ARL15: variants seen among roughly 807,000 people sequenced by gnomAD.
The protein encoded by ARL15 is ARF like GTPase 15.
In ARL15, 19 loss-of-function variants were observed where a neutral mutation model predicts 25.2. The ratio of observed to expected loss-of-function variants is 0.75; its 90% confidence interval spans 0.53 to 1.10. The LOEUF (loss-of-function observed/expected upper bound fraction) is 1.10. ARL15 is among the 50% of genes least tolerant of loss of function. The probability of loss-of-function intolerance (pLI) is 0.00; values close to 1 mark genes in which losing one functional copy is unlikely to be tolerated. For synonymous variants in ARL15, 94 were observed against 86.8 expected (o/e 1.08, Z -0.46); for missense variants, 220 against 246.0 (o/e 0.89, Z 0.71).
chr5:54,214,030 A>G (rs1408522499), intron 1 of ARL15, among the ~76,000 whole-genome samples: 1 of 152,132 alleles, frequency 6.6e-6, no homozygotes, highest in Non-Finnish European at 1.5e-5. Context: ...GCAGTCCCAA[A>G]CAGAGTAATC....
intron 1 of ARL15, among the ~76,000 whole-genome samples, chr5:54,309,525 T>C (rs917344865): frequency 2.0e-5 from 3 of 152,218 alleles, no homozygotes; most frequent in African/African-American, 7.2e-5. Flanking sequence ...TTTCTAACCG[T>C]CTACTTCAAC....
chr5:53,968,755 C>T (rs998242623), intron 4 of ARL15, among the ~76,000 whole-genome samples: 11 of 152,010 alleles, frequency 7.2e-5, no homozygotes, highest in Admixed American at 2.0e-4. Flanking sequence ...GTGATCCACC[C>T]GCCTCAGCCT....
At chr5:54,264,755 A>G (rs942057202) in intron 1 of ARL15, among the ~76,000 whole-genome samples, 2 of 152,096 alleles carry the variant, frequency 1.3e-5, no homozygotes, top group Non-Finnish European at 2.9e-5. Flanking sequence ...CACTCCTTCA[A>G]GACTTTTCTC....
At chr5:54,158,139 C>G (rs987937604) in intron 2 of ARL15, among the ~76,000 whole-genome samples, 2 of 152,038 alleles carry the variant, frequency 1.3e-5, no homozygotes, top group African/African-American at 2.4e-5. Context: ...TACCAAAGGT[C>G]AAACCATCAA....
At chr5:54,153,836 C>A (rs1309107849) in intron 3 of ARL15, among the ~76,000 whole-genome samples, 5 of 152,038 alleles carry the variant, frequency 3.3e-5, no homozygotes, top group African/African-American at 1.2e-4. Flanking sequence ...CAAAACAAAA[C>A]AAAACAAGGT....
intron 4 of ARL15, among the ~76,000 whole-genome samples, chr5:54,032,938 T>G (rs1162228299): frequency 3.9e-5 from 6 of 152,034 alleles, no homozygotes; most frequent in African/African-American, 1.4e-4. Context: ...GATCCCCATA[T>G]TTGGAGTCAG....
rs3836818 is a variant in ARL15 at position 54,075,073 on chromosome 5, GAA to G, written c.462+38127_462+38128del. On this transcript the variant is annotated intron_variant, in intron 4 of 4. Coordinates refer to ENST00000504924, the MANE Select transcript of ARL15 (RefSeq NM_019087.3). ...GAATGATTCTTAGTACAGAATACAG[GAA>G]AAAAAAAAAAAAAAAAAGTCCTGGC... Among the ~76,000 whole-genome samples the G allele has an allele frequency of 1.8e-3, 118 of 63,912 alleles. 2 individuals carry two copies. Among genetic ancestry groups the G allele is most frequent in the Non-Finnish European group, 2.4e-3 (83 of 35,260 alleles). 41.9% of individuals were successfully genotyped at this position (63,912 alleles called of 152,430 possible). A position where few individuals can be genotyped will look rare whatever the true frequency, so the allele number is the denominator to read the frequency against.
chr5:54,293,971 A>C (rs1357488081), intron 1 of ARL15, among the ~76,000 whole-genome samples: 1 of 152,094 alleles, frequency 6.6e-6, no homozygotes, highest in Non-Finnish European at 1.5e-5. Flanking sequence ...GACTACAGGC[A>C]CGTGCCACCC....
chr5:54,252,355 G>A (rs1299511585), intron 1 of ARL15, among the ~76,000 whole-genome samples: 1 of 152,142 alleles, frequency 6.6e-6, no homozygotes, highest in Non-Finnish European at 1.5e-5. Flanking sequence ...TTGCAAAATA[G>A]CATCAAGAAA....
intron 1 of ARL15, among the ~76,000 whole-genome samples, chr5:54,224,681 TG>T (rs1033367298): frequency 4.7e-4 from 72 of 151,658 alleles, no homozygotes; most frequent in African/African-American, 1.7e-3. Flanking sequence ...CCCTTGAGAG[TG>T]GGAGTGGTGG....
chr5:54,055,914 C>A (rs183470225), intron 4 of ARL15, among the ~76,000 whole-genome samples: 1 of 152,072 alleles, frequency 6.6e-6, no homozygotes. Context: ...TCCCCAGACG[C>A]GGGGACAAAG....
intron 4 of ARL15, among the ~76,000 whole-genome samples, chr5:54,053,225 A>AAACAAC: frequency 6.7e-6 from 1 of 149,834 alleles, no homozygotes; most frequent in Admixed American, 6.6e-5. Context: ...GCATCTCCAA[A>AAACAAC]AACAACAACA....
At chr5:54,165,909 T>C (rs1425793566) in intron 2 of ARL15, among the ~76,000 whole-genome samples, 1 of 152,030 alleles carries the variant, frequency 6.6e-6, no homozygotes, top group Non-Finnish European at 1.5e-5. Flanking sequence ...TTCCCTCTTG[T>C]TCCAGGGAGG....
intron 4 of ARL15, among the ~76,000 whole-genome samples, chr5:53,977,138 C>G (rs1747955862): frequency 6.6e-6 from 1 of 152,086 alleles, no homozygotes. Flanking sequence ...GCGGGCGGAT[C>G]ACAAGGTCAG....
At chr5:54,173,080 G>T (rs1026721478) in intron 1 of ARL15, among the ~76,000 whole-genome samples, 1 of 151,918 alleles carries the variant, frequency 6.6e-6, no homozygotes, top group Non-Finnish European at 1.5e-5. Flanking sequence ...CTACTCAGGG[G>T]ACTGAGGCAG....
intron 4 of ARL15, among the ~76,000 whole-genome samples, chr5:54,060,399 C>T (rs116159426): frequency 0.063 from 9,534 of 152,226 alleles, 330 homozygotes; most frequent in Middle Eastern, 0.082. Context: ...CCTGCCACTG[C>T]GCAGCAGCCT....
intron 4 of ARL15, among the ~76,000 whole-genome samples, chr5:54,015,160 G>C (rs1182097670): frequency 6.6e-6 from 1 of 151,904 alleles, no homozygotes; most frequent in Non-Finnish European, 1.5e-5. Flanking sequence ...CAGGCATGGT[G>C]GTGGGCACCT....
At chr5:54,105,247 A>G (rs1487028334) in intron 4 of ARL15, among the ~76,000 whole-genome samples, 1 of 152,022 alleles carries the variant, frequency 6.6e-6, no homozygotes, top group Admixed American at 6.6e-5. Flanking sequence ...ACTAAGGGAC[A>G]AGGAAAGGGT....
chr5:54,201,673 C>T (rs1225757053), intron 1 of ARL15, among the ~76,000 whole-genome samples: 1 of 152,076 alleles, frequency 6.6e-6, no homozygotes, highest in African/African-American at 2.4e-5. Context: ...TTCCTACCTC[C>T]CCATGCTGTA....
Sources: allele counts gnomAD v4.1 joint callset (sites outside exome capture counted in the v4.1 genomes callset), GRCh38; gene constraint gnomAD v4.1.1; transcripts MANE v1.5; gene names NCBI Gene and HGNC (gene_info 2026-07-23, HGNC 2026-07-21).